The following CPA6 variants were observed in gnomAD, a reference collection of about 807,000 sequenced individuals.
The protein encoded by CPA6 is carboxypeptidase B.
Under a neutral mutation model 63.3 loss-of-function variants are expected in CPA6, and 58 were observed. The ratio of observed to expected loss-of-function variants is 0.92; its 90% CI spans 0.74 to 1.14. The LOEUF (loss-of-function observed/expected upper bound fraction) is 1.14, where lower values mean the gene tolerates loss of function less well. Ranked by LOEUF, CPA6 falls within the 50% of genes most tolerant of loss-of-function variation. The pLI, the probability that CPA6 is intolerant of heterozygous loss-of-function variation, is 0.00. For missense variants in CPA6, 565 were observed against 526.6 expected (o/e 1.07, Z -0.71); for synonymous variants, 185 against 179.0 (o/e 1.03, Z -0.27).
At chr8:67,468,109 T>C (rs936670039) in intron 8 of CPA6, among the ~76,000 whole-genome samples, 1 of 151,932 alleles carries the variant, frequency 6.6e-6, no homozygotes, top group Non-Finnish European at 1.5e-5. Context: ...CTCCCAATTA[T>C]CTTGTGTTTG....
At chr8:67,641,068 G>A (rs1448265571) in intron 1 of CPA6, among the ~76,000 whole-genome samples, 3 of 151,770 alleles carry the variant, frequency 2.0e-5, no homozygotes, top group African/African-American at 7.3e-5. Context: ...ACTGCTGCTT[G>A]TGCAGCTGCT....
At chr8:67,606,413 A>G (rs1564020773) in intron 2 of CPA6, among the ~76,000 whole-genome samples, 1 of 152,160 alleles carries the variant, frequency 6.6e-6, no homozygotes, top group Non-Finnish European at 1.5e-5. Flanking sequence ...TTTACTCACT[A>G]TATATCTGCT....
intron 2 of CPA6, among the ~76,000 whole-genome samples, chr8:67,622,553 A>G (rs2114050): frequency 0.32 from 48,174 of 152,078 alleles, 8,661 homozygotes; most frequent in African/African-American, 0.5. Context: ...TACTATTTGT[A>G]TAGGGGCTGG....
intron 6 of CPA6, among the ~76,000 whole-genome samples, chr8:67,496,703 G>A (rs1811726792): frequency 6.6e-6 from 1 of 151,492 alleles, no homozygotes; most frequent in Non-Finnish European, 1.5e-5. Flanking sequence ...TGGGATTACA[G>A]GCATGTGCCA....
intron 2 of CPA6, among the ~76,000 whole-genome samples, chr8:67,572,053 T>C (rs1343222771): frequency 6.6e-6 from 1 of 152,058 alleles, no homozygotes; most frequent in African/African-American, 2.4e-5. Context: ...TGAAAAATTA[T>C]AGGACAAGCA....
At chr8:67,608,597 C>A (rs1814727148) in intron 2 of CPA6, among the ~76,000 whole-genome samples, 1 of 152,122 alleles carries the variant, frequency 6.6e-6, no homozygotes, top group East Asian at 1.9e-4. Context: ...ACCCAGGTAC[C>A]AAGAGGGCGG....
intron 2 of CPA6, among the ~76,000 whole-genome samples, chr8:67,552,475 ATAT>A (rs1179470853): frequency 6.6e-6 from 1 of 152,184 alleles, no homozygotes; most frequent in East Asian, 1.9e-4. Flanking sequence ...ACTTTTGAAC[ATAT>A]TATAAAAAAT....
chr8:67,521,226 T>A (rs1306068060), intron 2 of CPA6, among the ~76,000 whole-genome samples: 1 of 152,272 alleles, frequency 6.6e-6, no homozygotes, highest in Non-Finnish European at 1.5e-5. Context: ...ACCTGGTGAC[T>A]ATTCCCGTGT....
At chr8:67,464,442 A>G (rs570792304) in intron 8 of CPA6, among the ~76,000 whole-genome samples, 3 of 152,254 alleles carry the variant, frequency 2.0e-5, no homozygotes, top group East Asian at 3.9e-4. Flanking sequence ...TACATAGTTT[A>G]TGAATATTTT....
intron 1 of CPA6, among the ~76,000 whole-genome samples, chr8:67,717,507 C>G (rs1188266479): frequency 6.6e-6 from 1 of 152,156 alleles, no homozygotes; most frequent in Non-Finnish European, 1.5e-5. Context: ...CTAAGCACTC[C>G]CAAGAGATAA....
rs1199264230 is a variant in CPA6 at position 67,590,711 on chromosome 8, C to T, written c.192+33465G>A. On this transcript the variant is annotated intron_variant, in intron 2 of 10. Transcript: ENST00000297770. ...TCTTTTGAGAAGTGTCTGTTCATAT[C>T]CTTTGCCCACTTTTTGATGGGGTTG... Among the ~76,000 whole-genome samples, 10 of 151,928 alleles carry T rather than the reference C, an allele frequency of 6.6e-5. No individual in the cohort carries two copies. In the South Asian group the frequency reaches 2.1e-3, roughly 32 times the overall value.
At chr8:67,570,518 G>T (rs1018488901) in intron 2 of CPA6, among the ~76,000 whole-genome samples, 2 of 152,046 alleles carry the variant, frequency 1.3e-5, no homozygotes, top group Admixed American at 6.5e-5. Context: ...ATTACCAAGG[G>T]ATACATATCA....
At chr8:67,653,544 G>C (rs1405902246) in intron 1 of CPA6, among the ~76,000 whole-genome samples, 4 of 151,662 alleles carry the variant, frequency 2.6e-5, no homozygotes, top group Non-Finnish European at 4.4e-5. Flanking sequence ...CTCTCTGTTT[G>C]TCTGTTATTG....
At chr8:67,633,675 C>T (rs1158425374) in intron 1 of CPA6, among the ~76,000 whole-genome samples, 4 of 114,480 alleles carry the variant, frequency 3.5e-5, no homozygotes, top group East Asian at 2.4e-4. Context: ...AGCGAGACTC[C>T]GTCTCAAAAA....
chr8:67,701,100 T>A (rs942939092), intron 1 of CPA6, among the ~76,000 whole-genome samples: 5 of 152,180 alleles, frequency 3.3e-5, no homozygotes, highest in African/African-American at 1.2e-4. Context: ...CATGGTATAG[T>A]GGAAAGAGCA....
intron 1 of CPA6, among the ~76,000 whole-genome samples, chr8:67,719,700 A>G (rs1051963951): frequency 4.6e-5 from 7 of 152,224 alleles, no homozygotes; most frequent in Non-Finnish European, 7.3e-5. Flanking sequence ...TAATGACGGC[A>G]GCATGAGAGA....
intron 1 of CPA6, among the ~76,000 whole-genome samples, chr8:67,650,126 A>G (rs979965149): frequency 1.3e-5 from 2 of 152,114 alleles, no homozygotes; most frequent in East Asian, 3.9e-4. Context: ...CCTGGAGGAA[A>G]GATTGAACTT....
chr8:67,467,862 G>A (rs1810962368), intron 8 of CPA6, among the ~76,000 whole-genome samples: 2 of 149,368 alleles, frequency 1.3e-5, no homozygotes, highest in Admixed American at 6.7e-5. Context: ...AATTAAGCCT[G>A]GGCGACAAGA....
At chr8:67,586,112 A>G (rs1327993371) in intron 2 of CPA6, among the ~76,000 whole-genome samples, 1 of 152,172 alleles carries the variant, frequency 6.6e-6, no homozygotes, top group African/African-American at 2.4e-5. Context: ...GGAGTAGGCA[A>G]TAAGTGATTT....
Sources: gnomAD v4.1 joint callset for allele counts (sites outside exome capture counted in the v4.1 genomes callset) on GRCh38, gnomAD v4.1.1 for gene constraint, MANE v1.5 for transcripts, NCBI Gene and HGNC (gene_info 2026-07-23, HGNC 2026-07-21) for gene names.